ELAPOR2: variants seen among roughly 807,000 people sequenced by gnomAD.
ELAPOR2 encodes endosome/lysosome-associated apoptosis and autophagy regulator family member 2.
In ELAPOR2, 89 loss-of-function variants were observed where a neutral mutation model predicts 120.7. The observed-to-expected ratio is 0.74, with a 90% confidence interval of 0.62 to 0.88. ELAPOR2 has a LOEUF of 0.88. Among genes scored for constraint, ELAPOR2 ranks in the 40% least tolerant of loss-of-function variants. The pLI, the probability that ELAPOR2 is intolerant of heterozygous loss-of-function variation, is 0.00. For synonymous variants in ELAPOR2, 444 were observed against 444.9 expected (o/e 1.00, Z 0.03); for missense variants, 1,134 against 1,251.6 (o/e 0.91, Z 1.42).
At chr7:87,048,942 C>T (rs1795025335) in intron 1 of ELAPOR2, among the ~76,000 whole-genome samples, 1 of 152,216 alleles carries the variant, frequency 6.6e-6, no homozygotes, top group African/African-American at 2.4e-5. Flanking sequence ...AATCCAGACA[C>T]TGTTTTGCAT....
rs1035108463 is a variant in ELAPOR2 at position 86,912,979 on chromosome 7, C to A, written c.1957G>T (p.Ala653Ser). The part of the protein sequence containing the change: ...LSIHQVYGKE[A>S]CIPCGPGSKN... ...CTCCCAGGCCCGCATGGAATACAAG[C>A]CTCTTTGCCATAGACCTGATGTATG... Residue 653 changes from alanine to serine, a missense_variant, in exon 14 of 22, where the codon GCT becomes TCT. Coordinates refer to ENST00000450689, the MANE Select transcript of ELAPOR2 (RefSeq NM_001142749.3). 1 of 1,613,910 alleles carries A rather than the reference C, an allele frequency of 6.2e-7. No homozygotes were observed. The highest frequency in any genetic ancestry group is 8.5e-7 in the Non-Finnish European group (1 of 1,179,968).
At chr7:86,884,799 CTGTT>C (rs555660281) in intron 21 of ELAPOR2, among the ~76,000 whole-genome samples, 93 of 152,230 alleles carry the variant, frequency 6.1e-4, no homozygotes, top group African/African-American at 2.2e-3. Flanking sequence ...GACTCAATGA[CTGTT>C]TGGTAAGCAA....
intron 1 of ELAPOR2, among the ~76,000 whole-genome samples, chr7:87,036,691 C>A (rs1794598478): frequency 6.6e-6 from 1 of 152,136 alleles, no homozygotes; most frequent in Admixed American, 6.5e-5. Context: ...AACAGAAAAC[C>A]AAATACCGTA....
At chr7:86,885,735 A>G (rs1203384307) in intron 21 of ELAPOR2, among the ~76,000 whole-genome samples, 1 of 152,192 alleles carries the variant, frequency 6.6e-6, no homozygotes, top group African/African-American at 2.4e-5. Context: ...AGAGGATTTG[A>G]GCAAGGTTTA....
chr7:86,932,954 T>G (rs1160761669), intron 8 of ELAPOR2, among the ~76,000 whole-genome samples: 3 of 151,910 alleles, frequency 2.0e-5, no homozygotes, highest in African/African-American at 7.2e-5. Flanking sequence ...TTTTTATCTT[T>G]ATTGATTCAC....
At chr7:86,923,244 T>C (rs1789907055) in intron 10 of ELAPOR2, among the ~76,000 whole-genome samples, 1 of 151,916 alleles carries the variant, frequency 6.6e-6, no homozygotes, top group Non-Finnish European at 1.5e-5. Context: ...CAGTAGGGTG[T>C]AGTTAGTAGT....
chr7:86,937,681 G>T (rs968597982), intron 8 of ELAPOR2, among the ~76,000 whole-genome samples: 1 of 152,072 alleles, frequency 6.6e-6, no homozygotes, highest in African/African-American at 2.4e-5. Context: ...TTAAAGAGAA[G>T]TTATAAGAAC....
intron 1 of ELAPOR2, among the ~76,000 whole-genome samples, chr7:87,021,999 A>T (rs1794056167): frequency 6.6e-6 from 1 of 152,188 alleles, no homozygotes; most frequent in African/African-American, 2.4e-5. Context: ...GTGGAATATG[A>T]TCATTTTCAA....
At chr7:86,897,750 G>A (rs1044707373) in intron 18 of ELAPOR2, 118 bp from the exon 19 acceptor site, 21 of 1,155,576 alleles carry the variant, frequency 1.8e-5, no homozygotes, top group Non-Finnish European at 2.4e-5. Context: ...GGATGCTGAA[G>A]AAACACAAGT....
At chr7:86,914,019 A>G (rs1263549875) in intron 13 of ELAPOR2, among the ~76,000 whole-genome samples, 1 of 152,170 alleles carries the variant, frequency 6.6e-6, no homozygotes, top group Non-Finnish European at 1.5e-5. Context: ...CAATCTGGGG[A>G]ATTTATTCCC....
chr7:86,988,574 T>C (rs1792837309), intron 1 of ELAPOR2, among the ~76,000 whole-genome samples: 1 of 152,098 alleles, frequency 6.6e-6, no homozygotes. Flanking sequence ...CTACTAGGGG[T>C]TCCGGAACCA....
At chr7:87,050,927 G>C (rs1795081297) in intron 1 of ELAPOR2, among the ~76,000 whole-genome samples, 1 of 152,156 alleles carries the variant, frequency 6.6e-6, no homozygotes, top group Admixed American at 6.5e-5. Context: ...GAAAGGAGTT[G>C]CCATTCAATG....
At chr7:87,022,977 C>T (rs200585481) in intron 1 of ELAPOR2, among the ~76,000 whole-genome samples, 1 of 151,676 alleles carries the variant, frequency 6.6e-6, no homozygotes, top group Non-Finnish European at 1.5e-5. Context: ...GGATATTAAC[C>T]CTTTGTCAGA....
At chr7:87,056,163 G>T (rs1385060194) in intron 1 of ELAPOR2, among the ~76,000 whole-genome samples, 2 of 152,200 alleles carry the variant, frequency 1.3e-5, no homozygotes, top group East Asian at 3.9e-4. Context: ...GGAACCTCTG[G>T]AGTCTCACTG....
intron 2 of ELAPOR2, among the ~76,000 whole-genome samples, chr7:86,956,998 A>C (rs1791498165): frequency 6.6e-6 from 1 of 152,212 alleles, no homozygotes; most frequent in Non-Finnish European, 1.5e-5. Flanking sequence ...TTGATTCTGC[A>C]GTTTTGAGGG....
chr7:86,919,304 TC>T lies in ELAPOR2; in HGVS notation c.1405del (p.Glu469ArgfsTer19). On this transcript the variant is annotated frameshift_variant, in exon 11 of 22. Transcript: ENST00000450689. LOFTEE classifies it high-confidence loss of function. ...ACTCTGGATATGATCTCCAGCCACCTCCCAACCTAGAAGTAATAAAAGTCAT... is the reference window on the plus strand; with the variant it reads ...ACTCTGGATATGATCTCCAGCCACCTCCAACCTAGAAGTAATAAAAGTCAT... Reference protein sequence around the residue: ...NSKCDGMNGWEVAGDHIQSGA... With the variant: ...NSKCDGMNGWXVAGDHIQSGA... The T allele has an allele frequency of 6.2e-7, 1 of 1,603,482 alleles. No homozygotes were observed. Among genetic ancestry groups the T allele is most frequent in the Non-Finnish European group, 8.5e-7 (1 of 1,173,140 alleles).
At chr7:86,940,192 T>G in intron 5 of ELAPOR2, 77 bp from the exon 6 acceptor site, 1 of 782,354 alleles carries the variant, frequency 1.3e-6, no homozygotes, top group Non-Finnish European at 2.1e-6. Context: ...ACATACTTTT[T>G]CAATCCATAT....
chr7:86,908,834 C>T (rs74339565), intron 16 of ELAPOR2, among the ~76,000 whole-genome samples: 3,493 of 152,132 alleles, frequency 0.023, 142 homozygotes, highest in African/African-American at 0.078. Flanking sequence ...CTACGAAGTT[C>T]GTTTCAGTTC....
intron 10 of ELAPOR2, among the ~76,000 whole-genome samples, chr7:86,920,362 C>G (rs149776072): frequency 2.1e-3 from 313 of 152,098 alleles, no homozygotes; most frequent in Non-Finnish European, 3.5e-3. Context: ...GACAACAGGC[C>G]CTTGACTGCA....
Sources: gnomAD v4.1 joint callset for allele counts (sites outside exome capture counted in the v4.1 genomes callset) on GRCh38, gnomAD v4.1.1 for gene constraint, MANE v1.5 for transcripts, NCBI Gene and HGNC (gene_info 2026-07-23, HGNC 2026-07-21) for gene names.